DMXL2: variants seen among roughly 807,000 people sequenced by gnomAD.
DMXL2 encodes the protein Dmx like 2.
Under a neutral mutation model 331.1 loss-of-function variants are expected in DMXL2, and 103 were observed. The ratio of observed to expected loss-of-function variants is 0.31; its 90% CI spans 0.27 to 0.37. The LOEUF (loss-of-function observed/expected upper bound fraction) is 0.37, where lower values mean the gene tolerates loss of function less well. Among genes scored for constraint, DMXL2 ranks in the 10% least tolerant of loss-of-function variants. The pLI is 1.00. For missense variants in DMXL2, 3,171 were observed against 3,642.9 expected, an observed-to-expected ratio of 0.87 and a Z score of 3.33; for synonymous variants, 1,281 against 1,252.1, an observed-to-expected ratio of 1.02 and a Z score of -0.49.
At chr15:51,620,048 T>C (rs765497471) in intron 1 of DMXL2, among the ~76,000 whole-genome samples, 1 of 152,100 alleles carries the variant, frequency 6.6e-6, no homozygotes, top group Non-Finnish European at 1.5e-5. Flanking sequence ...TTTTTACTAT[T>C]ATATTACTTT....
At chr15:51,582,695 T>A (rs1009387488) in intron 1 of DMXL2, among the ~76,000 whole-genome samples, 1 of 152,188 alleles carries the variant, frequency 6.6e-6, no homozygotes, top group African/African-American at 2.4e-5. Context: ...CCTTAATACG[T>A]TCCTGATTAA....
At chr15:51,465,098 T>TA (rs1230215863) in intron 31 of DMXL2, among the ~76,000 whole-genome samples, 1 of 152,198 alleles carries the variant, frequency 6.6e-6, no homozygotes, top group Non-Finnish European at 1.5e-5. Context: ...TGATATAAAC[T>TA]AAAGTATTAG....
intron 17 of DMXL2, among the ~76,000 whole-genome samples, chr15:51,501,302 C>G (rs544558282): frequency 6.6e-6 from 1 of 152,312 alleles, no homozygotes; most frequent in African/African-American, 2.4e-5. Flanking sequence ...CCCAAAAACA[C>G]TATTCTAGAA....
chr15:51,506,947 G>C (rs1253203792), intron 16 of DMXL2, among the ~76,000 whole-genome samples, 187 bp downstream of exon 16: 3 of 152,030 alleles, frequency 2.0e-5, no homozygotes, highest in Admixed American at 2.0e-4. Flanking sequence ...CCTTAGGCTG[G>C]TTTTTAGAAT....
At chr15:51,508,293 T>C (rs1481434231) in intron 15 of DMXL2, among the ~76,000 whole-genome samples, 1 of 152,168 alleles carries the variant, frequency 6.6e-6, no homozygotes, top group Non-Finnish European at 1.5e-5. Flanking sequence ...AACCTGCATG[T>C]TCTGCACATC....
At chr15:51,610,398 AT>A (rs1231718151) in intron 1 of DMXL2, among the ~76,000 whole-genome samples, 3 of 152,242 alleles carry the variant, frequency 2.0e-5, no homozygotes, top group Non-Finnish European at 2.9e-5. Context: ...AAAGAACATG[AT>A]TAACAACCTT....
At chr15:51,468,720 T>G (rs2040825994) in intron 29 of DMXL2, among the ~76,000 whole-genome samples, 1 of 152,168 alleles carries the variant, frequency 6.6e-6, no homozygotes, top group Admixed American at 6.5e-5. Flanking sequence ...AAATAATAAA[T>G]GTAGGCAAAG....
intron 13 of DMXL2, among the ~76,000 whole-genome samples, chr15:51,521,158 C>T (rs1747514123): frequency 6.6e-6 from 1 of 152,110 alleles, no homozygotes; most frequent in Non-Finnish European, 1.5e-5. Flanking sequence ...ACAGCTGGCT[C>T]TTGAGTGACA....
chr15:51,618,730 T>C (rs1286482427), intron 1 of DMXL2, among the ~76,000 whole-genome samples: 3 of 152,214 alleles, frequency 2.0e-5, no homozygotes, highest in African/African-American at 7.2e-5. Flanking sequence ...TTATCCTTCG[T>C]ATTATGCCAT....
chr15:51,545,621 C>T lies in DMXL2; in HGVS notation c.892G>A (p.Ala298Thr), dbSNP rs1318894039. Reference sequence around the variant, plus strand: ...TGTATTCTGTCTTTGTGTCTTCCAGCATGAGAAAGGCTGCTGGCAATGCTG... The same window carrying T: ...TGTATTCTGTCTTTGTGTCTTCCAGTATGAGAAAGGCTGCTGGCAATGCTG... Reference protein sequence around the residue: ...TSSIASSLSHAGRHKDRIQHA... With the variant: ...TSSIASSLSHTGRHKDRIQHA... Residue 298 changes from alanine to threonine, a missense_variant, in exon 8 of 44, where the codon GCT (alanine) becomes ACT (threonine). By Grantham distance (58) the Ala-to-Thr change is moderately conservative (BLOSUM62 0). Coordinates refer to ENST00000560891, the MANE Select transcript of DMXL2 (RefSeq NM_001378457.1). 1 of 1,613,568 alleles carries T rather than the reference C, an allele frequency of 6.2e-7. No homozygotes were observed. The highest frequency in any genetic ancestry group is 1.7e-5 in the Admixed American group (1 of 59,964).
intron 1 of DMXL2, among the ~76,000 whole-genome samples, chr15:51,591,611 G>C (rs1251419862): frequency 2.0e-5 from 3 of 152,210 alleles, no homozygotes; most frequent in African/African-American, 7.2e-5. Flanking sequence ...CTGGACATCT[G>C]AGAACGGACA....
intron 6 of DMXL2, among the ~76,000 whole-genome samples, chr15:51,557,229 T>G (rs2049656049): frequency 6.6e-6 from 1 of 152,186 alleles, no homozygotes; most frequent in Non-Finnish European, 1.5e-5. Flanking sequence ...AAAACTGCAT[T>G]TCTATATACC....
intron 23 of DMXL2, among the ~76,000 whole-genome samples, chr15:51,483,566 G>A (rs2042171931): frequency 6.6e-6 from 1 of 152,152 alleles, no homozygotes; most frequent in African/African-American, 2.4e-5. Flanking sequence ...AATGGGAGAG[G>A]TCTCCAAGCC....
intron 1 of DMXL2, among the ~76,000 whole-genome samples, chr15:51,615,188 C>T (rs1021787111): frequency 6.6e-6 from 1 of 152,086 alleles, no homozygotes; most frequent in Non-Finnish European, 1.5e-5. Flanking sequence ...AGCTATTAGA[C>T]CTTCAAGGAG....
Position 51,464,832 on chromosome 15 carries a change from A to G in DMXL2, c.7651T>C (p.Leu2551=), listed in dbSNP as rs181821317. 1.2e-6 allele frequency: 2 copies of G among 1,614,130 alleles called. No individual in the cohort carries two copies. The highest frequency in any genetic ancestry group is 2.2e-5 in the East Asian group (1 of 44,872). The stretch of plus-strand genomic sequence containing the variant: ...TGCAAGATCTGTTCCCAGTTCTCCA[A>G]GTTTTTAATCACAGCAATACCTAAT... The part of the protein sequence containing the change: ...SPLGIAVIKN[L]ENWEQILQEK... Residue 2551 remains leucine (L), a synonymous_variant, in exon 32 of 44, where the codon TTG becomes CTG. Transcript: ENST00000560891.
intron 1 of DMXL2, among the ~76,000 whole-genome samples, chr15:51,589,043 G>A (rs995745920): frequency 1.3e-5 from 2 of 152,162 alleles, no homozygotes; most frequent in Admixed American, 1.3e-4. Context: ...CTCACAGATG[G>A]CAGAATTAGA....
intron 1 of DMXL2, among the ~76,000 whole-genome samples, chr15:51,605,453 G>C (rs756405323): frequency 6.7e-6 from 1 of 149,968 alleles, no homozygotes; most frequent in African/African-American, 2.5e-5. Context: ...TGCCTGCTTT[G>C]GCCTTCCAAA....
chr15:51,459,377 G>A (rs1296987148), intron 34 of DMXL2, among the ~76,000 whole-genome samples: 1 of 152,196 alleles, frequency 6.6e-6, no homozygotes, highest in Non-Finnish European at 1.5e-5. Flanking sequence ...AGTGACAAGT[G>A]AAGATGGGAC....
rs1225908732 is a variant in DMXL2, at chr15:51,498,236, T to C, written c.4672+316A>G. Among the ~76,000 whole-genome samples, 8 of 152,016 alleles carry C rather than the reference T, an allele frequency of 5.3e-5. No homozygotes were observed. In the East Asian group the frequency reaches 1.4e-3, roughly 26 times the overall value. Reference sequence around the variant, plus strand: ...GCTTGGGCAACAGAGCAAGACCCTGTCTCAAAAAAACAAACAAAAAACCCA... The same window carrying C: ...GCTTGGGCAACAGAGCAAGACCCTGCCTCAAAAAAACAAACAAAAAACCCA... On this transcript the variant is annotated intron_variant, in intron 18 of 43. Coordinates refer to ENST00000560891, the MANE Select transcript of DMXL2 (RefSeq NM_001378457.1).
Sources: gnomAD v4.1 joint callset for allele counts (sites outside exome capture counted in the v4.1 genomes callset) on GRCh38, gnomAD v4.1.1 for gene constraint, MANE v1.5 for transcripts, NCBI Gene and HGNC (gene_info 2026-07-23, HGNC 2026-07-21) for gene names.